BMERB1: variants seen among roughly 807,000 people sequenced by gnomAD.
BMERB1 encodes the protein bMERB domain-containing protein 1.
A neutral mutation model predicts 23.6 loss-of-function variants in BMERB1; 12 were observed. The ratio of observed to expected loss-of-function variants is 0.51; its 90% CI spans 0.33 to 0.82. BMERB1 has a LOEUF of 0.82. BMERB1 is among the 40% of genes least tolerant of loss of function. The probability of loss-of-function intolerance (pLI) is 0.03; values close to 1 mark genes in which losing one functional copy is unlikely to be tolerated. For missense variants in BMERB1, 247 were observed against 255.4 expected, an observed-to-expected ratio of 0.97 and a Z score of 0.22; for synonymous variants, 122 against 96.6, an observed-to-expected ratio of 1.26 and a Z score of -1.54.
At chr16:15,520,016 T>C (rs2051830214) in intron 2 of BMERB1, among the ~76,000 whole-genome samples, 1 of 152,122 alleles carries the variant, frequency 6.6e-6, no homozygotes, top group Non-Finnish European at 1.5e-5. Flanking sequence ...CCGCGGGCAC[T>C]GATATGCCAC....
intron 1 of BMERB1, among the ~76,000 whole-genome samples, chr16:15,469,009 C>T (rs2051207274): frequency 6.7e-6 from 1 of 149,010 alleles, no homozygotes; most frequent in Non-Finnish European, 1.5e-5. Context: ...GCTGTGTTGC[C>T]CAGGCTGGAG....
chr16:15,570,102 A>G (rs140873154), intron 3 of BMERB1, among the ~76,000 whole-genome samples: 1,677 of 152,216 alleles, frequency 0.011, 29 homozygotes, highest in African/African-American at 0.038. Flanking sequence ...ATTTTTGCAA[A>G]GGTGTTTTCA....
intron 1 of BMERB1, among the ~76,000 whole-genome samples, chr16:15,487,857 T>A (rs539391138): frequency 6.6e-6 from 1 of 152,350 alleles, no homozygotes; most frequent in East Asian, 1.9e-4. Flanking sequence ...TCTTTTAGCA[T>A]GGTAATGCAT....
At chr16:15,524,144 A>G (rs892435522) in intron 2 of BMERB1, among the ~76,000 whole-genome samples, 4 of 152,230 alleles carry the variant, frequency 2.6e-5, no homozygotes, top group Admixed American at 2.0e-4. Flanking sequence ...AGCCACATTC[A>G]GGAGCTCTGC....
intron 1 of BMERB1, among the ~76,000 whole-genome samples, chr16:15,469,854 A>G (rs2051214335): frequency 6.6e-6 from 1 of 152,222 alleles, no homozygotes; most frequent in African/African-American, 2.4e-5. Flanking sequence ...CAAACTTTCT[A>G]AACTCTTGTA....
chr16:15,468,924 T>C (rs2051206328), intron 1 of BMERB1, among the ~76,000 whole-genome samples: 1 of 152,024 alleles, frequency 6.6e-6, no homozygotes, highest in Non-Finnish European at 1.5e-5. Context: ...CAGTATTGTT[T>C]GTTGAAAAGG....
chr16:15,502,415 C>A, intron 1 of BMERB1: 1 of 1,489,926 alleles, frequency 6.7e-7, no homozygotes, highest in Admixed American at 2.0e-5. Context: ...ATCCTCTCCA[C>A]GAGGCAGGCT....
chr16:15,574,344 G>A (rs2030806284), intron 3 of BMERB1, among the ~76,000 whole-genome samples: 1 of 152,150 alleles, frequency 6.6e-6, no homozygotes, highest in African/African-American at 2.4e-5. Flanking sequence ...TGAGTTTTGG[G>A]TGGCGACACA....
At chr16:15,524,031 A>AT (rs1420732236) in intron 2 of BMERB1, among the ~76,000 whole-genome samples, 3 of 151,948 alleles carry the variant, frequency 2.0e-5, no homozygotes, top group East Asian at 1.9e-4. Flanking sequence ...ATAAACCTGC[A>AT]TTTTTTCCCC....
At chr16:15,509,254 C>T (rs1038658704) in intron 1 of BMERB1, among the ~76,000 whole-genome samples, 7 of 147,574 alleles carry the variant, frequency 4.7e-5, no homozygotes, top group East Asian at 4.1e-4. Flanking sequence ...TACGCACTTT[C>T]GCAGGCACAA....
chr16:15,453,670 G>A (rs774433305), intron 1 of BMERB1, among the ~76,000 whole-genome samples: 2 of 151,962 alleles, frequency 1.3e-5, no homozygotes, highest in African/African-American at 4.8e-5. Context: ...TCAGGAGTTC[G>A]AGACCAGCCT....
chr16:15,466,842 G>T (rs892965026), intron 1 of BMERB1, among the ~76,000 whole-genome samples: 1 of 152,036 alleles, frequency 6.6e-6, no homozygotes, highest in Non-Finnish European at 1.5e-5. Flanking sequence ...TGCTACTTTT[G>T]TATAGTTACA....
In BMERB1 at chr16:15,544,668, C is replaced by T. The variant is rs143022761; in HGVS notation, c.231-23315C>T. On this transcript the variant is annotated intron_variant, in intron 2 of 5. Coordinates refer to ENST00000300006, the MANE Select transcript of BMERB1 (RefSeq NM_033201.3). ...ATTGCCGGCATCAGACAAGGCCATCCTGAGACCGTGATAGATCAAGACAAA... is the reference window on the plus strand; with the variant it reads ...ATTGCCGGCATCAGACAAGGCCATCTTGAGACCGTGATAGATCAAGACAAA... Among the ~76,000 whole-genome samples, 14 of 152,298 alleles carry T rather than the reference C, an allele frequency of 9.2e-5. No homozygotes were observed. In the East Asian group the frequency reaches 2.7e-3, roughly 29 times the overall value.
At chr16:15,460,042 G>T (rs13353177) in intron 1 of BMERB1, among the ~76,000 whole-genome samples, 10,496 of 152,010 alleles carry the variant, frequency 0.069, 1,197 homozygotes, top group African/African-American at 0.24. Flanking sequence ...ATTTAGCATG[G>T]TTTTCTACTC....
intron 3 of BMERB1, among the ~76,000 whole-genome samples, chr16:15,579,234 G>A (rs1327973389): frequency 6.6e-6 from 1 of 152,178 alleles, no homozygotes; most frequent in East Asian, 1.9e-4. Flanking sequence ...GAGTGAGCAG[G>A]GGTCCTGGTG....
chr16:15,528,871 G>A (rs547525297), intron 2 of BMERB1, among the ~76,000 whole-genome samples: 2 of 152,284 alleles, frequency 1.3e-5, no homozygotes, highest in South Asian at 2.1e-4. Context: ...ATGTAAAAGA[G>A]GCCCAGGGTA....
chr16:15,562,895 G>A (rs538845576), intron 2 of BMERB1, among the ~76,000 whole-genome samples: 94 of 152,296 alleles, frequency 6.2e-4, no homozygotes, highest in Admixed American at 3.0e-3. Flanking sequence ...AATGCTTGGC[G>A]TGCCTCTGAC....
chr16:15,480,667 G>A (rs1430643247), intron 1 of BMERB1, among the ~76,000 whole-genome samples: 3 of 128,052 alleles, frequency 2.3e-5, no homozygotes, highest in African/African-American at 8.7e-5. Context: ...CGGCTGGAGT[G>A]CAGTGGCACG....
intron 1 of BMERB1, among the ~76,000 whole-genome samples, chr16:15,476,206 A>G (rs2051273796): frequency 6.9e-6 from 1 of 144,842 alleles, no homozygotes; most frequent in African/African-American, 2.6e-5. Flanking sequence ...TCTGTTGCCC[A>G]AGCTGGAGTG....
Sources: gnomAD v4.1 joint callset for allele counts (sites outside exome capture counted in the v4.1 genomes callset) on GRCh38, gnomAD v4.1.1 for gene constraint, MANE v1.5 for transcripts, NCBI Gene and HGNC (gene_info 2026-07-23, HGNC 2026-07-21) for gene names.